TNRC6B: variants seen among roughly 807,000 people sequenced by gnomAD.
The protein encoded by TNRC6B is trinucleotide repeat containing adaptor 6B.
In TNRC6B, 52 loss-of-function variants were observed where a neutral mutation model predicts 203.6. That is an observed-to-expected ratio of 0.26 (90% CI 0.20 to 0.32). TNRC6B has a LOEUF of 0.32. TNRC6B is among the 10% of genes least tolerant of loss of function. The probability of loss-of-function intolerance (pLI) is 1.00; values close to 1 mark genes in which losing one functional copy is unlikely to be tolerated. For synonymous variants in TNRC6B, 838 were observed against 845.7 expected (o/e 0.99, Z 0.16); for missense variants, 1,923 against 2,286.2 (o/e 0.84, Z 3.24).
chr22:40,126,580 ATTTTTTTTTTTT>A lies in TNRC6B; in HGVS notation c.45+736_45+747del, dbSNP rs955369459. Among the ~76,000 whole-genome samples, 43 of 88,776 alleles carry A rather than the reference ATTTTTTTTTTTT, an allele frequency of 4.8e-4. 1 individual carries two copies. The highest frequency in any genetic ancestry group is 4.3e-3 in the Admixed American group (37 of 8,510). The allele number at this position is 88,776 out of a possible 152,430, so 58.2% of individuals were successfully genotyped here. A position where few individuals can be genotyped will look rare whatever the true frequency, so the allele number is the denominator to read the frequency against. ...CTGTTGCTACAAAGGACGTTATTTA[ATTTTTTTTTTTT>A]TTTTTTTTTTTTTTTTTAGACTGGG... On this transcript the variant is annotated intron_variant, in intron 3 of 23. Coordinates refer to the TNRC6B transcript ENST00000301923.
intron 1 of TNRC6B, among the ~76,000 whole-genome samples, chr22:40,110,042 A>G (rs539669795): frequency 1.3e-5 from 2 of 152,208 alleles, no homozygotes; most frequent in Non-Finnish European, 2.9e-5. Context: ...TTTGTGAACA[A>G]TCTCACCTCA....
At chr22:40,214,549 G>GTTTTT (rs71735740) in intron 1 of TNRC6B, among the ~76,000 whole-genome samples, 1 of 148,206 alleles carries the variant, frequency 6.7e-6, no homozygotes. Flanking sequence ...TCTTTCTGTG[G>GTTTTT]TTTTTTTTTT....
chr22:40,095,916 A>G (rs2068183127), intron 1 of TNRC6B, among the ~76,000 whole-genome samples: 1 of 152,016 alleles, frequency 6.6e-6, no homozygotes, highest in Non-Finnish European at 1.5e-5. Context: ...GGCGGATGTT[A>G]TTGATAAAGT....
At chr22:40,255,536 G>A (rs2070261267) in intron 3 of TNRC6B, among the ~76,000 whole-genome samples, 1 of 152,212 alleles carries the variant, frequency 6.6e-6, no homozygotes, top group Non-Finnish European at 1.5e-5. Context: ...TAACACAGTG[G>A]TGGGGAGCCA....
At chr22:40,204,112 C>G (rs1026520168) in intron 1 of TNRC6B, among the ~76,000 whole-genome samples, 1 of 152,200 alleles carries the variant, frequency 6.6e-6, no homozygotes, top group Non-Finnish European at 1.5e-5. Flanking sequence ...AAATACTTAA[C>G]TCTGTGTCTT....
chr22:40,074,394 C>T (rs985784494), intron 1 of TNRC6B, among the ~76,000 whole-genome samples: 3 of 152,126 alleles, frequency 2.0e-5, no homozygotes, highest in Admixed American at 1.3e-4. Context: ...ACTGTAATCT[C>T]AGCACTTTCG....
At chr22:40,250,095 T>A (rs930571973) in intron 2 of TNRC6B, among the ~76,000 whole-genome samples, 3 of 152,192 alleles carry the variant, frequency 2.0e-5, no homozygotes, top group African/African-American at 4.8e-5. Flanking sequence ...TCATCAGACT[T>A]CTTCTTTGCT....
At chr22:40,094,347 A>G (rs2068171701) in intron 1 of TNRC6B, among the ~76,000 whole-genome samples, 1 of 152,188 alleles carries the variant, frequency 6.6e-6, no homozygotes, top group Non-Finnish European at 1.5e-5. Flanking sequence ...CATTAATTGT[A>G]AAATCTGTCC....
chr22:40,269,493 G>A (rs890142388), intron 5 of TNRC6B, among the ~76,000 whole-genome samples: 14 of 152,080 alleles, frequency 9.2e-5, no homozygotes, highest in African/African-American at 3.4e-4. Context: ...CCTTGTGGTG[G>A]ATATTTAGGT....
chr22:40,263,441 C>T (rs1185091881), intron 4 of TNRC6B, among the ~76,000 whole-genome samples: 1 of 152,316 alleles, frequency 6.6e-6, no homozygotes, highest in East Asian at 1.9e-4. Context: ...CCCTGTCAGG[C>T]GGAGTTTCTG....
intron 4 of TNRC6B, among the ~76,000 whole-genome samples, chr22:40,163,490 C>T (rs573831001): frequency 4.4e-4 from 51 of 115,860 alleles, no homozygotes; most frequent in African/African-American, 1.5e-3. Context: ...AGGCCAGGCA[C>T]GGTGGCTCAC....
intron 4 of TNRC6B, 46 bp from the exon 5 acceptor site, chr22:40,264,642 A>T (rs767758651): frequency 6.5e-7 from 1 of 1,531,508 alleles, no homozygotes; most frequent in Non-Finnish European, 8.8e-7. Context: ...TTAATGGGTA[A>T]TGAATGCATT....
intron 3 of TNRC6B, among the ~76,000 whole-genome samples, chr22:40,146,476 A>T (rs2068696465): frequency 6.6e-6 from 1 of 151,874 alleles, no homozygotes; most frequent in Non-Finnish European, 1.5e-5. Flanking sequence ...GCTCACTGCA[A>T]CCTCTGCCTC....
intron 1 of TNRC6B, among the ~76,000 whole-genome samples, chr22:40,077,765 T>TTG (rs10640739): frequency 0.22 from 32,540 of 151,282 alleles, 4,402 homozygotes; most frequent in Non-Finnish European, 0.31. Context: ...TGGCAGTCTT[T>TTG]TGTGTGTGTG....
At chr22:40,252,200 T>A (rs2070205168) in intron 3 of TNRC6B, among the ~76,000 whole-genome samples, 1 of 152,206 alleles carries the variant, frequency 6.6e-6, no homozygotes, top group Non-Finnish European at 1.5e-5. Context: ...CTCAATTAGG[T>A]ATGCATAAGA....
intron 2 of TNRC6B, 143 bp downstream of exon 2, chr22:40,246,245 A>G: frequency 3.6e-6 from 2 of 563,000 alleles, no homozygotes; most frequent in South Asian, 2.2e-5. Flanking sequence ...GCTGGAGTGC[A>G]GTGGCGTGAT....
At chr22:40,063,505 G>T (rs1396263409) in intron 1 of TNRC6B, among the ~76,000 whole-genome samples, 1 of 152,114 alleles carries the variant, frequency 6.6e-6, no homozygotes, top group Non-Finnish European at 1.5e-5. Context: ...GATCAATTTG[G>T]CAAATACTGC....
At chr22:40,095,318 CA>C (rs142693626) in intron 1 of TNRC6B, among the ~76,000 whole-genome samples, 6,694 of 152,196 alleles carry the variant, frequency 0.044, 444 homozygotes, top group African/African-American at 0.14. Context: ...GTTAATATCT[CA>C]AATTCCTTTG....
chr22:40,216,909 A>G (rs2069642836), intron 1 of TNRC6B, among the ~76,000 whole-genome samples: 1 of 152,152 alleles, frequency 6.6e-6, no homozygotes, highest in South Asian at 2.1e-4. Context: ...GAATTATCCT[A>G]CTTCGTTTCC....
Sources: gnomAD v4.1 joint callset for allele counts (sites outside exome capture counted in the v4.1 genomes callset) on GRCh38, gnomAD v4.1.1 for gene constraint, MANE v1.5 for transcripts, NCBI Gene and HGNC (gene_info 2026-07-23, HGNC 2026-07-21) for gene names.